Variants in TMCC3 observed in about 807,000 individuals in gnomAD.
TMCC3 encodes transmembrane and coiled-coil domain protein 3.
A neutral mutation model predicts 40.2 loss-of-function variants in TMCC3; 28 were observed. The ratio of observed to expected loss-of-function variants is 0.70; its 90% CI spans 0.52 to 0.95. The LOEUF (loss-of-function observed/expected upper bound fraction) is 0.95, where lower values mean the gene tolerates loss of function less well. Among genes scored for constraint, TMCC3 ranks in the 40% least tolerant of loss-of-function variants. TMCC3 has a pLI of 0.00. For synonymous variants in TMCC3, 255 were observed against 248.5 expected (o/e 1.03, Z -0.25); for missense variants, 554 against 615.2 (o/e 0.90, Z 1.05).
At chr12:94,589,262 C>T (rs1306149837) in intron 1 of TMCC3, among the ~76,000 whole-genome samples, 1 of 152,154 alleles carries the variant, frequency 6.6e-6, no homozygotes, top group Non-Finnish European at 1.5e-5. Context: ...CTAGGCTGCT[C>T]CTATGATATG....
intron 1 of TMCC3, among the ~76,000 whole-genome samples, chr12:94,620,284 T>A (rs1036406182): frequency 2.0e-5 from 3 of 149,756 alleles, no homozygotes; most frequent in African/African-American, 2.4e-5. Context: ...TTTTTTTTTT[T>A]AATAATTATT....
rs2068508708 is a variant in TMCC3 at position 94,568,596 on chromosome 12, A to G, written c.*2839T>C. On this transcript the variant is annotated 3_prime_UTR_variant, in exon 4 of 4. Coordinates refer to ENST00000261226, the MANE Select transcript of TMCC3 (RefSeq NM_020698.4). The stretch of plus-strand genomic sequence containing the variant: ...AGCTACATCACTATTTTTAATTGTA[A>G]TATTTCTAAAATGTCATTTAATCTC... 2 of 152,236 alleles carry G rather than the reference A, an allele frequency of 1.3e-5. No homozygotes were observed. The highest frequency in any genetic ancestry group is 2.1e-4 in the South Asian group (1 of 4,834). The allele number at this position is 152,236 out of a possible 1,614,324, so 9.4% of individuals were successfully genotyped here. A position where few individuals can be genotyped will look rare whatever the true frequency, so the allele number is the denominator to read the frequency against.
At chr12:94,594,721 G>A (rs1267486494) in intron 1 of TMCC3, among the ~76,000 whole-genome samples, 3 of 152,194 alleles carry the variant, frequency 2.0e-5, no homozygotes, top group Non-Finnish European at 4.4e-5. Context: ...CCAAGCCTGG[G>A]AGCAGAGGGT....
intron 1 of TMCC3, among the ~76,000 whole-genome samples, chr12:94,633,347 A>G (rs563983527): frequency 1.3e-5 from 2 of 152,342 alleles, no homozygotes; most frequent in African/African-American, 4.8e-5. Context: ...GGGACCATTT[A>G]TTTCTTAAAA....
intron 1 of TMCC3, among the ~76,000 whole-genome samples, chr12:94,617,202 C>T (rs968830424): frequency 1.3e-5 from 2 of 152,146 alleles, no homozygotes; most frequent in African/African-American, 4.8e-5. Context: ...ACTTAAGGTT[C>T]CTATGGGACC....
intron 1 of TMCC3, among the ~76,000 whole-genome samples, chr12:94,645,221 T>G (rs2069011602): frequency 6.6e-6 from 1 of 152,188 alleles, no homozygotes; most frequent in African/African-American, 2.4e-5. Context: ...AGTTTATAAA[T>G]ACATGTAAGC....
At chr12:94,581,601 C>A in intron 2 of TMCC3, 21 bp downstream of exon 2, 1 of 1,325,486 alleles carries the variant, frequency 7.5e-7, no homozygotes. Context: ...AAAAACACGC[C>A]AATGGAATAC....
chr12:94,573,334 A>G (rs1240346391), intron 3 of TMCC3, among the ~76,000 whole-genome samples: 1 of 152,148 alleles, frequency 6.6e-6, no homozygotes, highest in African/African-American at 2.4e-5. Context: ...CCTGCCTGCA[A>G]TAACCTTACA....
At chr12:94,628,590 A>C (rs2068915992) in intron 1 of TMCC3, among the ~76,000 whole-genome samples, 1 of 152,196 alleles carries the variant, frequency 6.6e-6, no homozygotes, top group Admixed American at 6.5e-5. Flanking sequence ...GATGGTGAGG[A>C]AACAAGCGCA....
At chr12:94,609,015 C>T (rs2068799745) in intron 1 of TMCC3, among the ~76,000 whole-genome samples, 1 of 152,098 alleles carries the variant, frequency 6.6e-6, no homozygotes, top group East Asian at 1.9e-4. Context: ...GAGTTCGAGA[C>T]CAGCCTGGAC....
intron 1 of TMCC3, among the ~76,000 whole-genome samples, chr12:94,649,414 A>G (rs2069039749): frequency 6.6e-6 from 1 of 152,232 alleles, no homozygotes; most frequent in Non-Finnish European, 1.5e-5. Context: ...GCTGACACCC[A>G]AATCCCCAGT....
At chr12:94,584,069 A>G (rs1006188072) in intron 1 of TMCC3, among the ~76,000 whole-genome samples, 3 of 152,084 alleles carry the variant, frequency 2.0e-5, no homozygotes, top group Non-Finnish European at 4.4e-5. Context: ...AAATTAATGA[A>G]TCTCCCACTA....
chr12:94,620,102 G>A (rs1284400237), intron 1 of TMCC3, among the ~76,000 whole-genome samples: 1 of 151,866 alleles, frequency 6.6e-6, no homozygotes, highest in African/African-American at 2.4e-5. Flanking sequence ...GGCGGAGGTT[G>A]CGGCGAGCCA....
chr12:94,571,146 C>T lies in TMCC3; in HGVS notation c.*289G>A. The stretch of plus-strand genomic sequence containing the variant: ...AGGATCACCAATTATGCCAAGGTCT[C>T]AATATACAGAGGTTTACCACGCTGG... On this transcript the variant is annotated 3_prime_UTR_variant, in exon 4 of 4. Transcript: ENST00000261226. 2.7e-6 allele frequency: 1 copy of T among 370,802 alleles called. No homozygotes were observed. The highest frequency in any genetic ancestry group is 5.2e-5 in the East Asian group (1 of 19,362). 23.0% of individuals were successfully genotyped at this position (370,802 alleles called of 1,614,324 possible). A position where few individuals can be genotyped will look rare whatever the true frequency, so the allele number is the denominator to read the frequency against.
At position 94,582,475 on chromosome 12, in the gene TMCC3, T is replaced by C. The variant is rs1594268987; in HGVS notation, c.142A>G (p.Thr48Ala). The change falls in exon 2 of 4, where the codon ACC (threonine) becomes GCC (alanine). Residue 48 changes from threonine to alanine, a missense_variant. Thr to Ala is a moderately conservative substitution (Grantham distance 58, BLOSUM62 0). Coordinates refer to ENST00000261226, the MANE Select transcript of TMCC3 (RefSeq NM_020698.4). Reference protein sequence around the residue: ...PLNIRRGGSDTNLNFDVPDGI... With the variant: ...PLNIRRGGSDANLNFDVPDGI... ...TCCGGGACATCAAAGTTGAGGTTGG[T>C]GTCTGACCCCCCTCGGCGTATGTTC... is the stretch of plus-strand genomic sequence containing the variant. The C allele has an allele frequency of 7.4e-6, 12 of 1,613,924 alleles. No homozygotes were observed. Among genetic ancestry groups the C allele is most frequent in the Non-Finnish European group, 1.0e-5 (12 of 1,180,010 alleles).
At chr12:94,587,005 T>C (rs1349111189) in intron 1 of TMCC3, among the ~76,000 whole-genome samples, 1 of 152,214 alleles carries the variant, frequency 6.6e-6, no homozygotes, top group Non-Finnish European at 1.5e-5. Context: ...CATGGGATAA[T>C]TGAGAGACAG....
chr12:94,630,848 C>T (rs908399295), intron 1 of TMCC3, among the ~76,000 whole-genome samples: 1 of 152,178 alleles, frequency 6.6e-6, no homozygotes, highest in Non-Finnish European at 1.5e-5. Flanking sequence ...CGTGCCTTGG[C>T]TTCCCAAGTT....
intron 1 of TMCC3, among the ~76,000 whole-genome samples, chr12:94,610,298 C>A (rs1445445945): frequency 2.6e-5 from 4 of 152,080 alleles, no homozygotes; most frequent in Non-Finnish European, 4.4e-5. Flanking sequence ...CATTCCTTTT[C>A]CCCAGTGTTT....
At chr12:94,578,165 A>AAAAAAAAAAAAAAAAAAAAAAAAAG (rs1467855760) in intron 3 of TMCC3, among the ~76,000 whole-genome samples, 12 of 123,408 alleles carry the variant, frequency 9.7e-5, no homozygotes, top group African/African-American at 2.4e-4. Flanking sequence ...AAAAAAAAAA[A>AAAAAAAAAAAAAAAAAAAAAAAAAG]AAAGAAAAAG....
Sources: gnomAD v4.1 joint callset for allele counts (sites outside exome capture counted in the v4.1 genomes callset) on GRCh38, gnomAD v4.1.1 for gene constraint, MANE v1.5 for transcripts, NCBI Gene and HGNC (gene_info 2026-07-23, HGNC 2026-07-21) for gene names.